POLR1A: variants seen among roughly 807,000 people sequenced by gnomAD.
POLR1A encodes the protein DNA-directed RNA polymerase I subunit RPA1.
In POLR1A, 84 loss-of-function variants were observed where a neutral mutation model predicts 205.3. That is an observed-to-expected ratio of 0.41 (90% CI 0.34 to 0.49). The LOEUF (loss-of-function observed/expected upper bound fraction) is 0.49. Ranked by LOEUF, POLR1A falls within the 20% of genes least tolerant of loss-of-function variation. The probability of loss-of-function intolerance (pLI) is 0.22; values close to 1 mark genes in which losing one functional copy is unlikely to be tolerated. For missense variants in POLR1A, 1,645 were observed against 2,204.5 expected, an observed-to-expected ratio of 0.75 and a Z score of 5.08; for synonymous variants, 799 against 863.7, an observed-to-expected ratio of 0.93 and a Z score of 1.31.
intron 19 of POLR1A, 22 bp downstream of exon 19, chr2:86,047,143 G>A: frequency 1.3e-6 from 2 of 1,580,620 alleles, no homozygotes; most frequent in Non-Finnish European, 1.7e-6. Flanking sequence ...CTGTAAAGCT[G>A]CCAACCCGCC....
At chr2:86,080,489 C>T (rs1357130121) in intron 9 of POLR1A, among the ~76,000 whole-genome samples, 3 of 152,104 alleles carry the variant, frequency 2.0e-5, no homozygotes, top group Admixed American at 6.6e-5. Flanking sequence ...GCTGGTAGCC[C>T]GGAACAGCCT....
At position 86,042,989 on chromosome 2, in the gene POLR1A, G is replaced by C. The variant is rs1672644107; in HGVS notation, c.3342C>G (p.Ser1114Arg). Residue 1114 changes from serine (S) to arginine (R), a missense_variant, in exon 23 of 34, where the codon AGC (serine) becomes AGG (arginine). Coordinates refer to ENST00000263857, the MANE Select transcript of POLR1A (RefSeq NM_015425.6). ...KLESENRNGR[S>R]PGTQEMLRMW... ...CCTGCATCACCTCCTGAGTCCCAGG[G>C]CTGCGGCCATTGCGGTTTTCACTCT... The C allele has an allele frequency of 1.9e-6, 3 of 1,613,504 alleles. No individual in the cohort carries two copies. Among genetic ancestry groups the C allele is most frequent in the Non-Finnish European group, 2.5e-6 (3 of 1,179,500 alleles).
chr2:86,082,421 A>G (rs1049003241), intron 7 of POLR1A, among the ~76,000 whole-genome samples: 3 of 152,194 alleles, frequency 2.0e-5, no homozygotes, highest in African/African-American at 7.2e-5. Context: ...TACTGCCAAG[A>G]AAGGATCTTC....
At chr2:86,076,622 T>A (rs1673288845) in intron 11 of POLR1A, among the ~76,000 whole-genome samples, 1 of 152,218 alleles carries the variant, frequency 6.6e-6, no homozygotes, top group Non-Finnish European at 1.5e-5. Context: ...GCCCTGAGAC[T>A]TGCAGCAGTC....
At chr2:86,059,665 A>C (rs527347829) in intron 14 of POLR1A, among the ~76,000 whole-genome samples, 33 of 152,332 alleles carry the variant, frequency 2.2e-4, no homozygotes, top group African/African-American at 7.0e-4. Flanking sequence ...TCCCACGTTC[A>C]AGTGATTTTC....
intron 3 of POLR1A, among the ~76,000 whole-genome samples, chr2:86,093,985 T>C (rs1052584985): frequency 6.6e-6 from 1 of 152,236 alleles, no homozygotes; most frequent in Non-Finnish European, 1.5e-5. Flanking sequence ...ATCCCTCGAT[T>C]GCGGGCATGT....
chr2:86,045,423 T>A, intron 20 of POLR1A, 63 bp from the exon 21 acceptor site: 2 of 1,368,786 alleles, frequency 1.5e-6, no homozygotes, highest in Non-Finnish European at 2.1e-6. Flanking sequence ...CCTGAAGGGC[T>A]CAGGCCAACA....
At chr2:86,079,698 C>T (rs1268484077) in intron 9 of POLR1A, among the ~76,000 whole-genome samples, 1 of 152,036 alleles carries the variant, frequency 6.6e-6, no homozygotes, top group Non-Finnish European at 1.5e-5. Flanking sequence ...GAGTAGCTGG[C>T]ACCATAGGCA....
rs1558775743 is a variant in POLR1A at position 86,068,389 on chromosome 2, G to GGGGGGC, written c.1866+1628_1866+1629insGCCCCC. 6.8e-5 allele frequency among the ~76,000 whole-genome samples: 8 copies of GGGGGGC among 118,502 alleles called. 1 individual carries two copies. The highest frequency in any genetic ancestry group is 6.4e-4 in the East Asian group (2 of 3,110). The allele number at this position is 118,502 out of a possible 152,430, so 77.7% of individuals were successfully genotyped here. A position where few individuals can be genotyped will look rare whatever the true frequency, so the allele number is the denominator to read the frequency against. On this transcript the variant is annotated intron_variant, in intron 13 of 33. Coordinates refer to ENST00000263857, the MANE Select transcript of POLR1A (RefSeq NM_015425.6). ...CACGCACAGCCAAGCACATGGGCGG[G>GGGGGGC]GGGGGGGGGCGGGTGTCGTCCAAAG... is the stretch of plus-strand genomic sequence containing the variant.
Position 86,033,675 on chromosome 2 carries a change from A to G in POLR1A, c.4147T>C (p.Leu1383=). The G allele has an allele frequency of 1.2e-6, 2 of 1,613,170 alleles. No individual in the cohort carries two copies. Among genetic ancestry groups the G allele is most frequent in the Admixed American group, 3.3e-5 (2 of 59,986 alleles). ...TQRDLDNAGE[L]GRSRGEQEGD... ...GACTCACTCACCCGACTCCTCCCCA[A>G]CTCCCCAGCGTTGTCCAGATCCCGC... Residue 1383 remains leucine (L), a synonymous_variant, in exon 28 of 34, where the codon TTG becomes CTG. Coordinates refer to ENST00000263857, the MANE Select transcript of POLR1A (RefSeq NM_015425.6).
intron 8 of POLR1A, 62 bp from the exon 9 acceptor site, chr2:86,081,040 C>T (rs1372537563): frequency 6.8e-7 from 1 of 1,470,812 alleles, no homozygotes; most frequent in African/African-American, 1.4e-5. Flanking sequence ...TGTTCTTCAG[C>T]CTCTCACCCA....
Position 86,075,177 on chromosome 2 carries a change from A to G in POLR1A, c.1464T>C (p.Pro488=), listed in dbSNP as rs771455100. ...QELRQAVING[P]NVHPGASMVI... is the part of the protein sequence containing the mutation. ...CCATGGAGGCTCCTGGGTGCACATT[A>G]GGGCCGTTGATGACCGCTTGCCTAA... is the stretch of plus-strand genomic sequence containing the variant. Residue 488 remains proline, a synonymous_variant, in exon 12 of 34, where the codon CCT becomes CCC. Transcript: ENST00000263857. 1 of 1,613,424 alleles carries G rather than the reference A, an allele frequency of 6.2e-7. No individual in the cohort carries two copies. The highest frequency in any genetic ancestry group is 8.5e-7 in the Non-Finnish European group (1 of 1,179,756).
chr2:86,060,360 G>T (rs1296765785), intron 14 of POLR1A, among the ~76,000 whole-genome samples: 1 of 151,366 alleles, frequency 6.6e-6, no homozygotes, highest in African/African-American at 2.4e-5. Context: ...ATAGTTGACA[G>T]TCTTTTTTTT....
chr2:86,035,871 C>T (rs1413627435), intron 27 of POLR1A, among the ~76,000 whole-genome samples: 1 of 152,122 alleles, frequency 6.6e-6, no homozygotes, highest in Non-Finnish European at 1.5e-5. Flanking sequence ...TTGTGGAGAA[C>T]GTAGGAGGGA....
intron 3 of POLR1A, among the ~76,000 whole-genome samples, chr2:86,094,175 T>G (rs112947493): frequency 6.6e-6 from 1 of 152,182 alleles, no homozygotes; most frequent in Non-Finnish European, 1.5e-5. Flanking sequence ...CTCTGACCTT[T>G]GTAATTAAAA....
In POLR1A at chr2:86,028,682, G is replaced by C. The variant is rs560258003; in HGVS notation, c.4809C>G (p.Asn1603Lys). 6.2e-7 allele frequency: 1 copy of C among 1,614,030 alleles called. No individual in the cohort carries two copies. The highest frequency in any genetic ancestry group is 8.5e-7 in the Non-Finnish European group (1 of 1,179,956). Reference protein sequence around the residue: ...EVLDLRRLYSNDIHAIANTYG... With the variant: ...EVLDLRRLYSKDIHAIANTYG... ...ACGTGTTGGCTATGGCGTGGATGTC[G>C]TTGGAGTAGAGGCGGCGCAGATCCA... Residue 1603 changes from asparagine to lysine, a missense_variant, in exon 32 of 34, where the codon AAC becomes AAG. By Grantham distance (94) the Asn-to-Lys change is moderately conservative. Coordinates refer to ENST00000263857, the MANE Select transcript of POLR1A (RefSeq NM_015425.6). This position sits in a 1 kb window ranked among gnomAD's most constrained non-coding sequence, Gnocchi z 4.5.
In POLR1A at chr2:86,070,595, A is replaced by C. The variant is rs1673158279; in HGVS notation, c.1612-323T>G. Among the ~76,000 whole-genome samples the C allele has an allele frequency of 6.6e-6, 1 of 152,166 alleles. No individual in the cohort carries two copies. The highest frequency in any genetic ancestry group is 2.4e-5 in the African/African-American group (1 of 41,428). ...TCTGGATTACTCTGAAAACTAATCC[A>C]AAGAAAGAAATGGATACAACTCCTG... On this transcript the variant is annotated intron_variant, in intron 12 of 33. Coordinates refer to ENST00000263857, the MANE Select transcript of POLR1A (RefSeq NM_015425.6). This position sits in a 1 kb window ranked among gnomAD's most constrained non-coding sequence, Gnocchi z 4.4.
intron 3 of POLR1A, among the ~76,000 whole-genome samples, chr2:86,095,730 CTTTT>C (rs3077170): frequency 5.6e-5 from 8 of 141,602 alleles, no homozygotes; most frequent in Non-Finnish European, 6.2e-5. Flanking sequence ...ATATTCTTTT[CTTTT>C]TTTTTTTTTT....
intron 15 of POLR1A, among the ~76,000 whole-genome samples, chr2:86,053,577 T>C (rs545194054): frequency 3.3e-4 from 50 of 152,326 alleles, no homozygotes; most frequent in Admixed American, 1.8e-3. Flanking sequence ...AGCTGCGTAA[T>C]GTAGCACCCA....
Sources: gnomAD v4.1 joint callset for allele counts (sites outside exome capture counted in the v4.1 genomes callset) on GRCh38, gnomAD v4.1.1 for gene constraint, Gnocchi (gnomAD v3.1) non-coding constraint, MANE v1.5 for transcripts, NCBI Gene and HGNC (gene_info 2026-07-23, HGNC 2026-07-21) for gene names.